Variants in CSGALNACT1 observed in about 807,000 individuals in gnomAD.
CSGALNACT1 encodes the protein beta4GalNAcT-1.
In CSGALNACT1, 52 loss-of-function variants were observed where a neutral mutation model predicts 51.0. That is an observed-to-expected ratio of 1.02 (90% CI 0.82 to 1.29). CSGALNACT1 has a LOEUF of 1.29. Among genes scored for constraint, CSGALNACT1 ranks in the 50% most tolerant of loss-of-function variants. The probability of loss-of-function intolerance (pLI) is 0.00; values close to 1 mark genes in which losing one functional copy is unlikely to be tolerated. For synonymous variants in CSGALNACT1, 341 were observed against 254.4 expected (o/e 1.34, Z -3.24); for missense variants, 935 against 679.2 (o/e 1.38, Z -4.19).
chr8:19,671,891 CTT>C (rs2059821270), intron 1 of CSGALNACT1, among the ~76,000 whole-genome samples: 1 of 152,156 alleles, frequency 6.6e-6, no homozygotes, highest in African/African-American at 2.4e-5. Context: ...TGCAATATAA[CTT>C]TTAATGACTG....
intron 3 of CSGALNACT1, among the ~76,000 whole-genome samples, chr8:19,544,503 T>A (rs2086021366): frequency 6.6e-6 from 1 of 152,234 alleles, no homozygotes; most frequent in Non-Finnish European, 1.5e-5. Context: ...TTTCTTTAAC[T>A]ACTTGAAAAG....
intron 4 of CSGALNACT1, among the ~76,000 whole-genome samples, chr8:19,470,871 G>T (rs572365677): frequency 6.6e-6 from 1 of 152,104 alleles, no homozygotes; most frequent in Admixed American, 6.6e-5. Context: ...TGAGGTGGGC[G>T]GATCACCTGA....
intron 5 of CSGALNACT1, chr8:19,457,433 C>T (rs914189992): frequency 4.2e-5 from 15 of 358,810 alleles, no homozygotes; most frequent in South Asian, 2.1e-4. Context: ...GCCAAAATGG[C>T]GAAACCCGGT....
At chr8:19,730,290 C>A (rs981311610) in intron 1 of CSGALNACT1, among the ~76,000 whole-genome samples, 2 of 152,154 alleles carry the variant, frequency 1.3e-5, no homozygotes, top group Non-Finnish European at 2.9e-5. Context: ...TAGAACAACA[C>A]TCGGGGAATA....
chr8:19,470,174 G>C (rs1365954669), intron 4 of CSGALNACT1, among the ~76,000 whole-genome samples: 1 of 152,164 alleles, frequency 6.6e-6, no homozygotes, highest in Non-Finnish European at 1.5e-5. Context: ...AGACAAAGAA[G>C]GGTTACCTAG....
At chr8:19,625,262 G>C (rs572078166) in intron 1 of CSGALNACT1, among the ~76,000 whole-genome samples, 8 of 152,298 alleles carry the variant, frequency 5.3e-5, no homozygotes, top group African/African-American at 1.4e-4. Context: ...GTCTATTAAG[G>C]AGGAAGAAAA....
intron 1 of CSGALNACT1, among the ~76,000 whole-genome samples, chr8:19,618,903 G>GT: frequency 6.6e-6 from 1 of 152,182 alleles, no homozygotes; most frequent in East Asian, 1.9e-4. Context: ...CTCTACCGCT[G>GT]TAAGAGAAGA....
rs2061188404 is a variant in CSGALNACT1, at chr8:19,440,722, A to G, written c.852-791T>C. 3.9e-5 allele frequency among the ~76,000 whole-genome samples: 6 copies of G among 151,978 alleles called. No individual in the cohort carries two copies. In the South Asian group the frequency reaches 1.0e-3, roughly 26 times the overall value. On this transcript the variant is annotated intron_variant, in intron 5 of 9. Transcript: ENST00000454498. ...AGTGTTGGAAGTTCTGGCCAGGGCA[A>G]TTAGGCAGGAGAAGGAAATAAAGGG...
At chr8:19,544,359 T>C (rs1175315930) in intron 3 of CSGALNACT1, among the ~76,000 whole-genome samples, 2 of 152,184 alleles carry the variant, frequency 1.3e-5, no homozygotes, top group African/African-American at 4.8e-5. Flanking sequence ...TTAAAAGACA[T>C]TGGGAACAAA....
chr8:19,572,172 TTTTTAAAC>T (rs1283141962), intron 3 of CSGALNACT1, among the ~76,000 whole-genome samples: 1 of 152,200 alleles, frequency 6.6e-6, no homozygotes, highest in Admixed American at 6.5e-5. Context: ...TTTCATATGC[TTTTTAAAC>T]TTTTAGAGTT....
At chr8:19,491,926 T>A (rs1351784222) in intron 4 of CSGALNACT1, among the ~76,000 whole-genome samples, 4 of 152,218 alleles carry the variant, frequency 2.6e-5, no homozygotes, top group Admixed American at 2.0e-4. Flanking sequence ...CAAATTAGTA[T>A]GTGGGTAGAG....
At chr8:19,468,303 T>G (rs568514508) in intron 4 of CSGALNACT1, among the ~76,000 whole-genome samples, 1 of 152,292 alleles carries the variant, frequency 6.6e-6, no homozygotes, top group African/African-American at 2.4e-5. Context: ...TTTGGCCACC[T>G]TGAGGCAGTT....
At chr8:19,468,171 G>A (rs2067159018) in intron 4 of CSGALNACT1, among the ~76,000 whole-genome samples, 1 of 66,866 alleles carries the variant, frequency 1.5e-5, no homozygotes, top group South Asian at 4.9e-4. Context: ...CAGTTTGATA[G>A]CAGATGTTTT....
chr8:19,453,880 C>T (rs931095117), intron 5 of CSGALNACT1, among the ~76,000 whole-genome samples: 1 of 151,914 alleles, frequency 6.6e-6, no homozygotes, highest in African/African-American at 2.4e-5. Context: ...CCACTGCACT[C>T]CAGCCTGGGT....
At chr8:19,702,966 T>G (rs2061965021) in intron 1 of CSGALNACT1, among the ~76,000 whole-genome samples, 1 of 151,878 alleles carries the variant, frequency 6.6e-6, no homozygotes. Flanking sequence ...CCCTTCCTGG[T>G]GTGGGTTCAC....
At chr8:19,504,949 G>C (rs983646044) in intron 4 of CSGALNACT1, among the ~76,000 whole-genome samples, 1 of 152,184 alleles carries the variant, frequency 6.6e-6, no homozygotes, top group African/African-American at 2.4e-5. Flanking sequence ...AAAGGAAGAA[G>C]TTCTACCTTC....
chr8:19,750,451 G>A (rs926711897), intron 1 of CSGALNACT1, among the ~76,000 whole-genome samples: 17 of 152,208 alleles, frequency 1.1e-4, no homozygotes, highest in African/African-American at 4.1e-4. Context: ...GGGAGAGGTT[G>A]AGAGGAGACA....
At chr8:19,666,831 G>GAA (rs1554794475) in intron 1 of CSGALNACT1, among the ~76,000 whole-genome samples, 484 of 24,820 alleles carry the variant, frequency 0.02, 28 homozygotes, top group Admixed American at 0.036. Flanking sequence ...GAGAGAGAGA[G>GAA]AGAAAGAAAG....
At chr8:19,449,269 A>C (rs1470158432) in intron 5 of CSGALNACT1, among the ~76,000 whole-genome samples, 1 of 152,224 alleles carries the variant, frequency 6.6e-6, no homozygotes, top group African/African-American at 2.4e-5. Context: ...TTATCTAAAT[A>C]CATGAATGAT....
Sources: gnomAD v4.1 joint callset for allele counts (sites outside exome capture counted in the v4.1 genomes callset) on GRCh38, gnomAD v4.1.1 for gene constraint, MANE v1.5 for transcripts, NCBI Gene and HGNC (gene_info 2026-07-23, HGNC 2026-07-21) for gene names.